The following CDKAL1 variants were observed in gnomAD, a reference collection of about 807,000 sequenced individuals.
CDKAL1 encodes threonylcarbamoyladenosine tRNA methylthiotransferase.
Under a neutral mutation model 68.2 loss-of-function variants are expected in CDKAL1, and 32 were observed. That is an observed-to-expected ratio of 0.47 (90% CI 0.35 to 0.63). The LOEUF (loss-of-function observed/expected upper bound fraction) is 0.63. Among genes scored for constraint, CDKAL1 ranks in the 30% least tolerant of loss-of-function variants. The pLI is 0.00. For missense variants in CDKAL1, 606 were observed against 696.7 expected (o/e 0.87, Z 1.47); for synonymous variants, 234 against 244.3 (o/e 0.96, Z 0.39).
chr6:20,856,240 T>G lies in CDKAL1; in HGVS notation c.742+10062T>G, dbSNP rs183687360. On this transcript the variant is annotated intron_variant, in intron 9 of 15. Transcript: ENST00000274695. ...AGAGGGGATTGGGGTCAGGCGTATG[T>G]GGCAGTGTGAATATGGGTTTAGTAG... is the stretch of plus-strand genomic sequence containing the variant. Among the ~76,000 whole-genome samples the G allele has an allele frequency of 2.9e-3, 436 of 152,328 alleles. 1 individual carries two copies. Among genetic ancestry groups the G allele is most frequent in the Non-Finnish European group, 4.1e-3 (280 of 68,032 alleles).
intron 5 of CDKAL1, among the ~76,000 whole-genome samples, chr6:20,705,354 A>G (rs1771547781): frequency 6.6e-6 from 1 of 152,224 alleles, no homozygotes; most frequent in South Asian, 2.1e-4. Flanking sequence ...ATTTTAAAGC[A>G]AGTATCAATA....
At chr6:20,740,422 A>G (rs183933807) in intron 6 of CDKAL1, among the ~76,000 whole-genome samples, 43 of 152,300 alleles carry the variant, frequency 2.8e-4, no homozygotes, top group Middle Eastern at 3.4e-3. Context: ...TTGACTGAGT[A>G]AAAATGCCCT....
chr6:21,109,970 A>G (rs942312099), intron 13 of CDKAL1, among the ~76,000 whole-genome samples: 3 of 152,234 alleles, frequency 2.0e-5, no homozygotes, highest in Non-Finnish European at 2.9e-5. Context: ...TGCAGCTTCT[A>G]CCGGCTTCCT....
At chr6:20,650,830 T>G (rs1435654296) in intron 5 of CDKAL1, among the ~76,000 whole-genome samples, 4 of 152,198 alleles carry the variant, frequency 2.6e-5, no homozygotes, top group Non-Finnish European at 5.9e-5. Context: ...CCATTGCTTG[T>G]TTTTGTCAGG....
At chr6:20,565,796 A>C (rs1365164919) in intron 4 of CDKAL1, among the ~76,000 whole-genome samples, 6 of 152,286 alleles carry the variant, frequency 3.9e-5, no homozygotes, top group East Asian at 1.9e-4. Context: ...TAGAGGCCGT[A>C]GTCTTAGGAT....
intron 4 of CDKAL1, among the ~76,000 whole-genome samples, chr6:20,583,334 A>G (rs750839936): frequency 1.6e-4 from 24 of 152,218 alleles, no homozygotes; most frequent in African/African-American, 5.3e-4. Context: ...TGTCTTCAGT[A>G]TCATAAATAT....
chr6:21,180,542 GC>G (rs1487411327), intron 13 of CDKAL1, among the ~76,000 whole-genome samples: 8 of 152,080 alleles, frequency 5.3e-5, no homozygotes, highest in Non-Finnish European at 1.0e-4. Context: ...TTTCTAGAAA[GC>G]CTCAGAGGGA....
intron 9 of CDKAL1, among the ~76,000 whole-genome samples, chr6:20,941,594 C>T (rs186118151): frequency 6.6e-6 from 1 of 152,156 alleles, no homozygotes; most frequent in Non-Finnish European, 1.5e-5. Context: ...CACTCATATG[C>T]ATTGTGTTAC....
chr6:20,662,674 C>T (rs1581917903), intron 5 of CDKAL1, among the ~76,000 whole-genome samples: 2 of 152,244 alleles, frequency 1.3e-5, no homozygotes, highest in East Asian at 3.9e-4. Context: ...GCATCTTATA[C>T]AGTGATTGAC....
intron 4 of CDKAL1, chr6:20,558,421 T>C (rs147318525): frequency 4.8e-6 from 2 of 415,780 alleles, no homozygotes; most frequent in Admixed American, 2.8e-5. Context: ...TTTGGAGATA[T>C]CTAAATGTAA....
At chr6:20,835,531 G>A (rs903824669) in intron 8 of CDKAL1, among the ~76,000 whole-genome samples, 5 of 151,652 alleles carry the variant, frequency 3.3e-5, no homozygotes, top group African/African-American at 9.7e-5. Context: ...CTTTTGTCTT[G>A]TCTTGTCTTG....
At chr6:20,915,101 A>G (rs571704570) in intron 9 of CDKAL1, among the ~76,000 whole-genome samples, 4 of 152,212 alleles carry the variant, frequency 2.6e-5, no homozygotes, top group African/African-American at 9.6e-5. Context: ...GTACATATCT[A>G]AAAGAAATAT....
At chr6:21,013,448 A>T (rs1768132295) in intron 11 of CDKAL1, among the ~76,000 whole-genome samples, 1 of 152,072 alleles carries the variant, frequency 6.6e-6, no homozygotes, top group African/African-American at 2.4e-5. Flanking sequence ...TTAGGCATAC[A>T]CTCCATAATA....
chr6:21,156,163 G>A (rs1180415267), intron 13 of CDKAL1, among the ~76,000 whole-genome samples: 1 of 152,110 alleles, frequency 6.6e-6, no homozygotes, highest in Admixed American at 6.5e-5. Flanking sequence ...GCTCACACCT[G>A]TAATCCTAGC....
chr6:20,933,764 A>G (rs1763577201), intron 9 of CDKAL1, among the ~76,000 whole-genome samples: 1 of 152,216 alleles, frequency 6.6e-6, no homozygotes, highest in African/African-American at 2.4e-5. Flanking sequence ...AATGTTTTTA[A>G]GCACCCTGAA....
rs1582189163 is a variant in CDKAL1, at chr6:21,096,124, G to A, written c.1237-12277G>A. ...GGAATCATCATAAAAACGAGTTGTG[G>A]GCTTATCTAGAGATGCAGCAATAAC... On this transcript the variant is annotated intron_variant, in intron 12 of 15. Transcript: ENST00000274695. Among the ~76,000 whole-genome samples the A allele has an allele frequency of 2.0e-5, 3 of 152,182 alleles. No homozygotes were observed. The South Asian group carries it at 6.2e-4, about 32-fold the overall frequency.
At chr6:20,943,585 T>C (rs1412385282) in intron 9 of CDKAL1, among the ~76,000 whole-genome samples, 2 of 152,162 alleles carry the variant, frequency 1.3e-5, no homozygotes, top group East Asian at 3.8e-4. Context: ...TTTGGGTAGC[T>C]TCTGTTACTA....
intron 5 of CDKAL1, among the ~76,000 whole-genome samples, chr6:20,737,261 G>A (rs927069356): frequency 3.9e-5 from 6 of 152,156 alleles, no homozygotes; most frequent in South Asian, 4.2e-4. Context: ...TGACTTCGTG[G>A]TATGTTAGCT....
intron 13 of CDKAL1, among the ~76,000 whole-genome samples, chr6:21,144,806 C>G (rs929767562): frequency 6.6e-6 from 1 of 151,428 alleles, no homozygotes; most frequent in African/African-American, 2.4e-5. Context: ...GACCTTGTCT[C>G]CAAAAAGAAA....
Sources: allele counts gnomAD v4.1 joint callset (sites outside exome capture counted in the v4.1 genomes callset), GRCh38; gene constraint gnomAD v4.1.1; transcripts MANE v1.5; gene names NCBI Gene and HGNC (gene_info 2026-07-23, HGNC 2026-07-21).